Variants in SYCP2L observed in about 807,000 individuals in gnomAD.
The protein encoded by SYCP2L is synaptonemal complex protein 2-like.
SYCP2L carries 98 observed loss-of-function variants against 125.8 expected under a neutral mutation model. The observed-to-expected ratio is 0.78, with a 90% CI of 0.66 to 0.92. The LOEUF (loss-of-function observed/expected upper bound fraction) is 0.92, where lower values mean the gene tolerates loss of function less well. Ranked by LOEUF, SYCP2L falls within the 40% of genes least tolerant of loss-of-function variation. The pLI is 0.00. For synonymous variants in SYCP2L, 317 were observed against 325.4 expected (o/e 0.97, Z 0.28); for missense variants, 842 against 936.4 (o/e 0.90, Z 1.32).
At chr6:10,888,007 C>A (rs1313552490) in intron 1 of SYCP2L, among the ~76,000 whole-genome samples, 2 of 141,434 alleles carry the variant, frequency 1.4e-5, no homozygotes, top group African/African-American at 2.5e-5. Context: ...ATGCTAAGAA[C>A]ATTACAGACA....
In SYCP2L at chr6:10,912,590, T is replaced by G; in HGVS notation, c.919-83T>G. On this transcript the variant is annotated intron_variant, in intron 12 of 29. Coordinates refer to ENST00000283141, the MANE Select transcript of SYCP2L (RefSeq NM_001040274.3). This position sits in a 1 kb window ranked among gnomAD's most constrained non-coding sequence, Gnocchi z 4.1. ...ATGCTGTTCCAGGAAGAGCACAAAT[T>G]CTATTTTCAAGGGAATAATGTTTAT... is the stretch of plus-strand genomic sequence containing the variant. 1 of 1,013,722 alleles carries G rather than the reference T, an allele frequency of 9.9e-7. No homozygotes were observed. Among genetic ancestry groups the G allele is most frequent in the Non-Finnish European group, 1.5e-6 (1 of 669,710 alleles). 62.8% of individuals were successfully genotyped at this position (1,013,722 alleles called of 1,614,324 possible). A position where few individuals can be genotyped will look rare whatever the true frequency, so the allele number is the denominator to read the frequency against.
At chr6:10,897,889 T>C in intron 4 of SYCP2L, 122 bp from the exon 5 acceptor site, 1 of 684,686 alleles carries the variant, frequency 1.5e-6, no homozygotes, top group Admixed American at 2.3e-5. Flanking sequence ...CTCATTGAAA[T>C]GGAATGGAAT....
intron 29 of SYCP2L, among the ~76,000 whole-genome samples, chr6:10,966,930 T>C (rs916601336): frequency 2.0e-5 from 3 of 152,114 alleles, no homozygotes; most frequent in African/African-American, 7.2e-5. Flanking sequence ...CAGCAATATG[T>C]CAATAAGTGT....
intron 25 of SYCP2L, among the ~76,000 whole-genome samples, chr6:10,958,221 A>T (rs182643561): frequency 2.3e-4 from 35 of 151,840 alleles, no homozygotes; most frequent in African/African-American, 6.5e-4. Context: ...TTTTTTTTTA[A>T]AAAAAGAGGT....
rs1458175743 is a variant in SYCP2L at position 10,912,167 on chromosome 6, A to C, written c.919-506A>C. On this transcript the variant is annotated intron_variant, in intron 12 of 29. Transcript: ENST00000283141. The surrounding 1 kb of genome is among the most constrained non-coding windows in gnomAD (Gnocchi z 4.1). ...TTTCTATAAACACCATACTGTTAGA[A>C]TCTTTCTTCCCCTGTTTTAACTCTA... 2.0e-5 allele frequency among the ~76,000 whole-genome samples: 3 copies of C among 152,064 alleles called. No homozygotes were observed. The highest frequency in any genetic ancestry group is 4.4e-5 in the Non-Finnish European group (3 of 68,016).
intron 21 of SYCP2L, among the ~76,000 whole-genome samples, chr6:10,938,916 C>T (rs890374089): frequency 2.6e-5 from 4 of 152,024 alleles, no homozygotes; most frequent in Non-Finnish European, 5.9e-5. Context: ...GTCAGGAGAT[C>T]GAGACCATCC....
intron 20 of SYCP2L, among the ~76,000 whole-genome samples, chr6:10,933,270 T>C (rs1781030652): frequency 6.6e-6 from 1 of 152,246 alleles, no homozygotes; most frequent in African/African-American, 2.4e-5. Context: ...ATGCAATCTC[T>C]TTGGCAACTA....
At chr6:10,957,992 T>C (rs902057943) in intron 25 of SYCP2L, among the ~76,000 whole-genome samples, 3 of 152,228 alleles carry the variant, frequency 2.0e-5, no homozygotes, top group African/African-American at 7.2e-5. Context: ...CTGTTACTTA[T>C]AATCCCAAAT....
chr6:10,942,491 T>A lies in SYCP2L; in HGVS notation c.1846T>A (p.Ser616Thr), dbSNP rs777971992. 2 of 1,600,258 alleles carry A rather than the reference T, an allele frequency of 1.2e-6. No homozygotes were observed. The highest frequency in any genetic ancestry group is 1.4e-5 in the African/African-American group (1 of 74,034). The change falls in exon 22 of 30, where the codon TCT (serine) becomes ACT (threonine). Residue 616 changes from serine (S) to threonine (T), a missense_variant. By Grantham distance (58) the Ser-to-Thr change is moderately conservative. Coordinates refer to ENST00000283141, the MANE Select transcript of SYCP2L (RefSeq NM_001040274.3). ...LQDPHSLSEL[S>T]SLKHSEDEEK... ...AGATCCTCACTCACTGAGTGAGCTC[T>A]CTTCCTTGAAGCACTCAGAAGATGA...
chr6:10,911,952 A>C (rs1048774776), intron 12 of SYCP2L, among the ~76,000 whole-genome samples: 2 of 110,824 alleles, frequency 1.8e-5, no homozygotes, highest in African/African-American at 6.9e-5. Flanking sequence ...CCCAGGCTGG[A>C]GTGCCATCAT....
At chr6:10,940,454 A>G (rs115140576) in intron 21 of SYCP2L, among the ~76,000 whole-genome samples, 1,603 of 152,316 alleles carry the variant, frequency 0.011, 31 homozygotes, top group African/African-American at 0.036. Context: ...ATGAATGAAT[A>G]TAGAAAATGT....
intron 29 of SYCP2L, among the ~76,000 whole-genome samples, chr6:10,968,307 G>A (rs1288434174): frequency 6.6e-6 from 1 of 152,166 alleles, no homozygotes; most frequent in Non-Finnish European, 1.5e-5. Flanking sequence ...GAAAACGGAT[G>A]CTTCATGACA....
chr6:10,958,911 G>T (rs1356549759), intron 26 of SYCP2L, 36 bp downstream of exon 26: 2 of 1,579,690 alleles, frequency 1.3e-6, no homozygotes, highest in Non-Finnish European at 1.7e-6. Flanking sequence ...TCGTGGAAGT[G>T]TGATCACTCA....
chr6:10,931,569 A>T (rs1780996831), intron 20 of SYCP2L, 80 bp downstream of exon 20: 1 of 1,381,058 alleles, frequency 7.2e-7, no homozygotes, highest in Admixed American at 1.8e-5. Flanking sequence ...TTTCAGAAAT[A>T]TAAAAATAAC....
chr6:10,887,822 A>G (rs1236147653), intron 1 of SYCP2L, among the ~76,000 whole-genome samples: 3 of 152,338 alleles, frequency 2.0e-5, no homozygotes, highest in East Asian at 3.9e-4. Context: ...CATAAAATCC[A>G]TCTGTCATCT....
intron 6 of SYCP2L, among the ~76,000 whole-genome samples, chr6:10,899,746 C>T (rs149809447): frequency 6.6e-6 from 1 of 152,226 alleles, no homozygotes; most frequent in African/African-American, 2.4e-5. Context: ...AAATTCAGTA[C>T]CAGAAGCTTA....
chr6:10,967,086 A>G (rs1186442139), intron 29 of SYCP2L, among the ~76,000 whole-genome samples: 3 of 152,198 alleles, frequency 2.0e-5, no homozygotes, highest in Non-Finnish European at 4.4e-5. Flanking sequence ...TTGAAAACTT[A>G]GATGAAATGA....
chr6:10,889,982 G>A (rs943730765), intron 1 of SYCP2L, among the ~76,000 whole-genome samples: 7 of 152,046 alleles, frequency 4.6e-5, no homozygotes, highest in East Asian at 1.9e-4. Context: ...TCTGTGCCCC[G>A]CTTATTTCAT....
At chr6:10,896,540 A>G (rs2113290910) in intron 4 of SYCP2L, among the ~76,000 whole-genome samples, 1 of 152,342 alleles carries the variant, frequency 6.6e-6, no homozygotes, top group South Asian at 2.1e-4. Flanking sequence ...GGGAGAAAAT[A>G]CAGCCTTAGC....
Sources: allele counts gnomAD v4.1 joint callset (sites outside exome capture counted in the v4.1 genomes callset), GRCh38; gene constraint gnomAD v4.1.1; non-coding constraint Gnocchi (gnomAD v3.1); transcripts MANE v1.5; gene names NCBI Gene and HGNC (gene_info 2026-07-23, HGNC 2026-07-21).